Variants in ANKRD30B observed in about 807,000 individuals in gnomAD.
ANKRD30B encodes the protein ankyrin repeat domain-containing protein 30B.
ANKRD30B carries 144 observed loss-of-function variants against 202.2 expected under a neutral mutation model. The ratio of observed to expected loss-of-function variants is 0.71; its 90% CI spans 0.62 to 0.82. The LOEUF (loss-of-function observed/expected upper bound fraction) is 0.82. Among genes scored for constraint, ANKRD30B ranks in the 40% least tolerant of loss-of-function variants. The pLI, the probability that ANKRD30B is intolerant of heterozygous loss-of-function variation, is 0.00. For missense variants in ANKRD30B, 1,487 were observed against 1,669.1 expected (o/e 0.89, Z 1.90); for synonymous variants, 508 against 561.3 (o/e 0.91, Z 1.34).
intron 9 of ANKRD30B, 84 bp from the exon 10 acceptor site, chr18:14,777,901 C>T (rs1438763307): frequency 4.3e-6 from 4 of 929,514 alleles, no homozygotes; most frequent in African/African-American, 1.7e-5. Flanking sequence ...CGAGATCACA[C>T]CACTGAGCCA....
chr18:14,894,851 C>CA, the ANKRD30B span, among the ~76,000 whole-genome samples: 1 of 107,760 alleles, frequency 9.3e-6, no homozygotes, highest in African/African-American at 3.4e-5. Flanking sequence ...CCAACATATA[C>CA]AAAAAACACT....
At position 14,782,555 on chromosome 18, in the gene ANKRD30B, A is replaced by T; in HGVS notation, c.1511A>T (p.Gln504Leu). Residue 504 changes from glutamine (Q) to leucine (L), a missense_variant, in exon 12 of 44, where the codon CAA (glutamine) becomes CTA (leucine). Coordinates refer to ENST00000690538, the MANE Select transcript of ANKRD30B (RefSeq NM_001367607.2). ...CTCTTTGAGAGTTCTGCAAAGACTC[A>T]AGTGTGTATACCTGAGTCTATGTAT... is the stretch of plus-strand genomic sequence containing the variant. ...GSLFESSAKT[Q>L]VCIPESMYQK... 1 of 1,590,896 alleles carries T rather than the reference A, an allele frequency of 6.3e-7. No individual in the cohort carries two copies. Among genetic ancestry groups the T allele is most frequent in the African/African-American group, 1.4e-5 (1 of 73,568 alleles).
chr18:14,843,551 T>TTG (rs1285193924), intron 39 of ANKRD30B, among the ~76,000 whole-genome samples: 1 of 47,626 alleles, frequency 2.1e-5, no homozygotes, highest in South Asian at 1.1e-3. Context: ...TTAGCTTACT[T>TTG]TCTGTGTGTG....
rs537352531 is a variant in ANKRD30B at position 14,810,789 on chromosome 18, T to C, written c.2488+609T>C. Among the ~76,000 whole-genome samples, 124 of 151,258 alleles carry C rather than the reference T, an allele frequency of 8.2e-4. 4 individuals are homozygous for C. The highest frequency in any genetic ancestry group is 3.0e-3 in the African/African-American group (122 of 40,996). The stretch of plus-strand genomic sequence containing the variant: ...AGAGGTACAAAACAGCCTGAATTAA[T>C]TTTTGTTGTCATTCCCATGCATGTT... On this transcript the variant is annotated intron_variant, in intron 28 of 43. Transcript: ENST00000690538.
At chr18:14,835,244 C>T (rs1971121658) in intron 34 of ANKRD30B, among the ~76,000 whole-genome samples, 1 of 151,664 alleles carries the variant, frequency 6.6e-6, no homozygotes, top group Admixed American at 6.6e-5. Flanking sequence ...AATACTCTGA[C>T]ATTTTTGCTC....
At chr18:14,921,055 G>C in the ANKRD30B span, among the ~76,000 whole-genome samples, 1 of 152,230 alleles carries the variant, frequency 6.6e-6, no homozygotes, top group East Asian at 1.9e-4. Context: ...AGCATAATAA[G>C]GGGGAAGAAA....
chr18:14,807,368 C>T (rs1969588923), intron 24 of ANKRD30B, among the ~76,000 whole-genome samples: 2 of 150,606 alleles, frequency 1.3e-5, no homozygotes, highest in African/African-American at 4.9e-5. Flanking sequence ...CATGGTATAA[C>T]AAATAGAATT....
At chr18:14,837,110 G>A in intron 34 of ANKRD30B, 101 bp from the exon 35 acceptor site, 2 of 698,096 alleles carry the variant, frequency 2.9e-6, no homozygotes, top group East Asian at 5.6e-5. Context: ...TGTTGTTGTT[G>A]TTGTTTGTCT....
chr18:14,888,964 G>A, the ANKRD30B span: 76 of 656,640 alleles, frequency 1.2e-4, no homozygotes, highest in African/African-American at 5.0e-4. Flanking sequence ...TCAATTAAAC[G>A]AAGAGTAAGC....
the ANKRD30B span, among the ~76,000 whole-genome samples, chr18:14,886,056 T>C: frequency 1.3e-5 from 2 of 152,104 alleles, no homozygotes; most frequent in East Asian, 1.9e-4. Context: ...TTCTCCTTTT[T>C]GTCAAATCAT....
chr18:14,881,429 A>G, the ANKRD30B span, among the ~76,000 whole-genome samples: 1 of 152,170 alleles, frequency 6.6e-6, no homozygotes, highest in Non-Finnish European at 1.5e-5. Flanking sequence ...ATTGGTATGA[A>G]ACACACTTGA....
intron 24 of ANKRD30B, among the ~76,000 whole-genome samples, chr18:14,807,939 T>A (rs1969623920): frequency 1.3e-5 from 2 of 151,024 alleles, no homozygotes; most frequent in Admixed American, 6.6e-5. Flanking sequence ...TACTCCTATA[T>A]CACAGAGTAT....
intron 30 of ANKRD30B, chr18:14,816,181 T>C (rs964417533): frequency 7.9e-5 from 12 of 152,240 alleles, no homozygotes; most frequent in Admixed American, 7.8e-4. Flanking sequence ...TTTCTCAGTG[T>C]CACGATTTGC....
the ANKRD30B span, among the ~76,000 whole-genome samples, chr18:14,938,374 C>A: frequency 6.6e-6 from 1 of 152,246 alleles, no homozygotes; most frequent in African/African-American, 2.4e-5. Flanking sequence ...AATGCTCCCA[C>A]GCTTGCCGCC....
rs577052260 is a variant in ANKRD30B, at chr18:14,826,828, T to C, written c.2744-1450T>C. Reference sequence around the variant, plus strand: ...TGGAACCCTATACATCCATGCTTTTTTTCTTCTATAAGTGCATATTTGTGA... The same window carrying C: ...TGGAACCCTATACATCCATGCTTTTCTTCTTCTATAAGTGCATATTTGTGA... On this transcript the variant is annotated intron_variant, in intron 32 of 43. Coordinates refer to ENST00000690538, the MANE Select transcript of ANKRD30B (RefSeq NM_001367607.2). Among the ~76,000 whole-genome samples, 7 of 152,228 alleles carry C rather than the reference T, an allele frequency of 4.6e-5. No homozygotes were observed. The South Asian group carries it at 1.2e-3, about 27-fold the overall frequency.
the ANKRD30B span, among the ~76,000 whole-genome samples, chr18:14,910,483 A>AT: frequency 5.4e-5 from 8 of 147,622 alleles, no homozygotes; most frequent in South Asian, 2.1e-4. Flanking sequence ...CACAATGTAA[A>AT]AATATATATA....
the ANKRD30B span, among the ~76,000 whole-genome samples, chr18:14,916,001 A>G: frequency 3.3e-5 from 5 of 152,230 alleles, no homozygotes; most frequent in Admixed American, 2.6e-4. Context: ...TGCAAACACT[A>G]CACCATTTTA....
At chr18:14,831,334 T>C (rs1166593475) in intron 33 of ANKRD30B, 49 bp from the exon 34 acceptor site, 1 of 1,287,888 alleles carries the variant, frequency 7.8e-7, no homozygotes, top group African/African-American at 1.5e-5. Context: ...GCAGGTTTTC[T>C]TTTTAAATAT....
the ANKRD30B span, among the ~76,000 whole-genome samples, chr18:14,866,648 G>A: frequency 7.2e-5 from 11 of 152,274 alleles, no homozygotes; most frequent in Admixed American, 4.6e-4. Context: ...GGGTAGGTGC[G>A]CTCTCTGCAG....
Sources: allele counts gnomAD v4.1 joint callset (sites outside exome capture counted in the v4.1 genomes callset), GRCh38; gene constraint gnomAD v4.1.1; transcripts MANE v1.5; gene names NCBI Gene and HGNC (gene_info 2026-07-23, HGNC 2026-07-21).